Variants in RHBDL2 observed in about 807,000 individuals in gnomAD.
RHBDL2 encodes rhomboid like 2.
In RHBDL2, 26 loss-of-function variants were observed where a neutral mutation model predicts 31.7. The observed-to-expected ratio is 0.82, with a 90% CI of 0.60 to 1.14. The LOEUF is 1.14. Among genes scored for constraint, RHBDL2 ranks in the 50% most tolerant of loss-of-function variants. The pLI is 0.00. For synonymous variants in RHBDL2, 123 were observed against 127.2 expected, an observed-to-expected ratio of 0.97 and a Z score of 0.22; for missense variants, 336 against 364.4, an observed-to-expected ratio of 0.92 and a Z score of 0.63.
intron 4 of RHBDL2, among the ~76,000 whole-genome samples, chr1:38,902,290 C>T (rs1643002877): frequency 6.8e-6 from 1 of 147,520 alleles, no homozygotes; most frequent in South Asian, 2.1e-4. Flanking sequence ...ACTGCAGCCT[C>T]GACTTCCTAG....
intron 4 of RHBDL2, among the ~76,000 whole-genome samples, chr1:38,899,799 C>T (rs1043493448): frequency 2.6e-5 from 4 of 152,196 alleles, no homozygotes; most frequent in Non-Finnish European, 4.4e-5. Flanking sequence ...TCCAGTCCTC[C>T]TCTGGGTCTG....
intron 1 of RHBDL2, among the ~76,000 whole-genome samples, chr1:38,938,393 C>T (rs910235119): frequency 6.6e-6 from 1 of 152,120 alleles, no homozygotes; most frequent in Non-Finnish European, 1.5e-5. Context: ...ACCTCATGAC[C>T]TGAACCCTGC....
intron 1 of RHBDL2, among the ~76,000 whole-genome samples, chr1:38,941,005 G>C (rs1274856825): frequency 6.6e-6 from 1 of 152,190 alleles, no homozygotes; most frequent in African/African-American, 2.4e-5. Context: ...GCTCTGCCAT[G>C]CTGCCCACCA....
At chr1:38,908,320 C>T (rs1643094373) in intron 4 of RHBDL2, among the ~76,000 whole-genome samples, 2 of 152,042 alleles carry the variant, frequency 1.3e-5, no homozygotes, top group South Asian at 4.2e-4. Context: ...TGAGACCAGC[C>T]TGACCAACAT....
intron 7 of RHBDL2, among the ~76,000 whole-genome samples, chr1:38,887,048 T>C (rs1337165422): frequency 1.3e-5 from 2 of 152,172 alleles, no homozygotes; most frequent in African/African-American, 4.8e-5. Flanking sequence ...TCCACATACA[T>C]GGGGTTTCAG....
At chr1:38,925,313 C>T (rs1194517798) in intron 1 of RHBDL2, among the ~76,000 whole-genome samples, 1 of 152,022 alleles carries the variant, frequency 6.6e-6, no homozygotes, top group African/African-American at 2.4e-5. Flanking sequence ...GCCTGACCAA[C>T]ATGGTGAAAC....
At chr1:38,929,222 A>G (rs1179095201) in intron 1 of RHBDL2, among the ~76,000 whole-genome samples, 1 of 152,098 alleles carries the variant, frequency 6.6e-6, no homozygotes, top group Admixed American at 6.5e-5. Flanking sequence ...GACCCTGTGA[A>G]TTCCCGAACG....
chr1:38,915,737 T>C, intron 2 of RHBDL2, 27 bp from the exon 3 acceptor site: 1 of 1,613,104 alleles, frequency 6.2e-7, no homozygotes, highest in Non-Finnish European at 8.5e-7. Context: ...ACATGAGTAT[T>C]AACCACACCT....
intron 4 of RHBDL2, among the ~76,000 whole-genome samples, chr1:38,903,709 G>T (rs1011250689): frequency 2.6e-5 from 4 of 151,934 alleles, no homozygotes; most frequent in African/African-American, 9.7e-5. Flanking sequence ...TTTTAGAAAC[G>T]CACAAACCAA....
At chr1:38,935,705 C>T (rs1361352073) in intron 1 of RHBDL2, among the ~76,000 whole-genome samples, 5 of 151,824 alleles carry the variant, frequency 3.3e-5, no homozygotes, top group African/African-American at 7.3e-5. Context: ...CTCTGCCTCC[C>T]GGGTTCAAGC....
At chr1:38,922,778 C>A (rs1399558193) in intron 1 of RHBDL2, among the ~76,000 whole-genome samples, 1 of 151,630 alleles carries the variant, frequency 6.6e-6, no homozygotes, top group Non-Finnish European at 1.5e-5. Context: ...GGAAATATTA[C>A]CTATTAGATT....
At chr1:38,916,334 C>G (rs761179338) in intron 2 of RHBDL2, among the ~76,000 whole-genome samples, 1 of 152,182 alleles carries the variant, frequency 6.6e-6, no homozygotes, top group Non-Finnish European at 1.5e-5. Flanking sequence ...GGACATTCTA[C>G]AGGATCCCTA....
chr1:38,889,665 G>A (rs934513483), intron 6 of RHBDL2, among the ~76,000 whole-genome samples: 1 of 152,204 alleles, frequency 6.6e-6, no homozygotes, highest in Non-Finnish European at 1.5e-5. Context: ...GTGAGAGCCA[G>A]AAGTTAGGCA....
chr1:38,923,879 A>G (rs1643343505), intron 1 of RHBDL2, among the ~76,000 whole-genome samples: 1 of 152,102 alleles, frequency 6.6e-6, no homozygotes, highest in South Asian at 2.1e-4. Flanking sequence ...ACAGATCAAA[A>G]CTGGGTGGCA....
intron 1 of RHBDL2, among the ~76,000 whole-genome samples, chr1:38,930,179 T>C (rs59438720): frequency 0.16 from 24,043 of 152,112 alleles, 3,943 homozygotes; most frequent in African/African-American, 0.41. Flanking sequence ...CCCAGTCACA[T>C]GCAGGGCCTC....
chr1:38,936,084 G>A (rs761220330), intron 1 of RHBDL2, among the ~76,000 whole-genome samples: 21 of 151,748 alleles, frequency 1.4e-4, no homozygotes, highest in Non-Finnish European at 2.9e-4. Context: ...AGCAAATCTT[G>A]TAGAGACGAG....
chr1:38,909,216 C>T (rs777081893), intron 4 of RHBDL2, among the ~76,000 whole-genome samples: 14 of 152,036 alleles, frequency 9.2e-5, no homozygotes. Context: ...AACATTTGGG[C>T]AGGAAAACAA....
At chr1:38,901,051 A>C (rs1429057741) in intron 4 of RHBDL2, among the ~76,000 whole-genome samples, 2 of 40,950 alleles carry the variant, frequency 4.9e-5, no homozygotes, top group African/African-American at 2.6e-4. Context: ...CCATCTCTAA[A>C]TAGATAAATA....
At chr1:38,915,169 G>A (rs536226675) in intron 3 of RHBDL2, among the ~76,000 whole-genome samples, 1 of 142,166 alleles carries the variant, frequency 7.0e-6, no homozygotes, top group Non-Finnish European at 1.5e-5. Context: ...TCTCACTCTT[G>A]TCCCCCAGCC....
Sources: allele counts gnomAD v4.1 joint callset (sites outside exome capture counted in the v4.1 genomes callset), GRCh38; gene constraint gnomAD v4.1.1; transcripts MANE v1.5; gene names NCBI Gene and HGNC (gene_info 2026-07-23, HGNC 2026-07-21).